PREPL: variants seen among roughly 807,000 people sequenced by gnomAD.
The protein encoded by PREPL is prolyl endopeptidase-like.
In PREPL, 77 loss-of-function variants were observed where a neutral mutation model predicts 70.6. The ratio of observed to expected loss-of-function variants is 1.09; its 90% CI spans 0.91 to 1.32. The LOEUF (loss-of-function observed/expected upper bound fraction) is 1.32, where lower values mean the gene tolerates loss of function less well. Ranked by LOEUF, PREPL falls within the 40% of genes most tolerant of loss-of-function variation. The pLI is 0.00. For synonymous variants in PREPL, 315 were observed against 264.8 expected, an observed-to-expected ratio of 1.19 and a Z score of -1.84; for missense variants, 1,002 against 778.2, an observed-to-expected ratio of 1.29 and a Z score of -3.42.
intron 12 of PREPL, 97 bp downstream of exon 12, chr2:44,322,634 G>C: frequency 6.9e-7 from 1 of 1,447,800 alleles, no homozygotes; most frequent in Non-Finnish European, 9.3e-7. Flanking sequence ...ATCCTGGGCA[G>C]ATGATTTGGC....
chr2:44,325,070 A>G (rs1673357481), intron 10 of PREPL, among the ~76,000 whole-genome samples: 1 of 152,182 alleles, frequency 6.6e-6, no homozygotes, highest in Admixed American at 6.5e-5. Flanking sequence ...TGCCTACCAT[A>G]TGAACTTTTT....
chr2:44,337,595 C>T (rs1414146656), intron 7 of PREPL, among the ~76,000 whole-genome samples: 1 of 152,158 alleles, frequency 6.6e-6, no homozygotes, highest in East Asian at 1.9e-4. Flanking sequence ...CATCAACTGG[C>T]TCAGTAACTC....
At chr2:44,333,891 C>G (rs1159690162) in intron 7 of PREPL, among the ~76,000 whole-genome samples, 1 of 152,180 alleles carries the variant, frequency 6.6e-6, no homozygotes, top group Non-Finnish European at 1.5e-5. Context: ...AGCGAGGGTA[C>G]AAGGTTCCTT....
intron 5 of PREPL, among the ~76,000 whole-genome samples, chr2:44,340,492 G>A (rs1195351645): frequency 1.3e-5 from 2 of 152,032 alleles, no homozygotes; most frequent in Non-Finnish European, 2.9e-5. Context: ...AATAACAACT[G>A]CTTATAGTTT....
intron 13 of PREPL, 158 bp downstream of exon 13, chr2:44,321,669 G>A (rs1672963228): frequency 1.3e-6 from 2 of 1,536,116 alleles, no homozygotes; most frequent in African/African-American, 1.4e-5. Context: ...CATTTCTCTT[G>A]ATTGACACAG....
At chr2:44,336,785 A>T (rs925486661) in intron 7 of PREPL, among the ~76,000 whole-genome samples, 1 of 152,180 alleles carries the variant, frequency 6.6e-6, no homozygotes, top group African/African-American at 2.4e-5. Context: ...CAATAAGGAC[A>T]TCCCTCCAAG....
rs762852430 is a variant in PREPL at position 44,344,568 on chromosome 2, CA to C, written c.93del (p.Phe31LeufsTer34). 5.0e-6 allele frequency: 8 copies of C among 1,604,342 alleles called. No homozygotes were observed. In the African/African-American group the frequency reaches 9.4e-5, roughly 19 times the overall value. On this transcript the variant is annotated frameshift_variant, in exon 3 of 14. Coordinates refer to ENST00000409411, the MANE Select transcript of PREPL (RefSeq NM_001171613.2). LOFTEE classifies it high-confidence loss of function. ...AAGCAACAACCTTCTTGGTAATAAACAAAACCACCATGTTTAACCTGACAAA... is the reference window on the plus strand; with the variant it reads ...AAGCAACAACCTTCTTGGTAATAAACAAACCACCATGTTTAACCTGACAAA... ...IINVEVKHGG[F>X]VYYQEGCCLV...
At chr2:44,359,612 T>C in intron 1 of PREPL, 1 of 1,611,182 alleles carries the variant, frequency 6.2e-7, no homozygotes, top group South Asian at 1.1e-5. Context: ...GTAACAATGA[T>C]CAGCGAAGTT....
At chr2:44,360,169 T>C (rs1306682581) in intron 1 of PREPL, 7 of 153,000 alleles carry the variant, frequency 4.6e-5, no homozygotes, top group African/African-American at 1.7e-4. Context: ...TATGAACGTA[T>C]CTTTGGTATA....
chr2:44,359,672 C>CTA, intron 1 of PREPL: 1 of 1,613,278 alleles, frequency 6.2e-7, no homozygotes. Flanking sequence ...GTGAGGAATA[C>CTA]TATACTTCAA....
chr2:44,323,509 A>G (rs1673190718), intron 10 of PREPL, 98 bp from the exon 11 acceptor site: 3 of 969,258 alleles, frequency 3.1e-6, no homozygotes, highest in Admixed American at 6.8e-5. Context: ...CTAATATGAG[A>G]GAAAATAACT....
chr2:44,343,761 C>G lies in PREPL; in HGVS notation c.333G>C (p.Pro111=), dbSNP rs111330295. The G allele has an allele frequency of 1.2e-6, 2 of 1,613,462 alleles. No individual in the cohort carries two copies. The highest frequency in any genetic ancestry group is 2.7e-5 in the African/African-American group (2 of 74,892). The part of the protein sequence containing the change: ...SDQPVMEASF[P]NVSSFEWVKD... Reference sequence around the variant, plus strand: ...GTGGCTTACCAAAACTGGACACATTCGGGAAAGAAGCTTCCATTACGGGCT... The same window carrying G: ...GTGGCTTACCAAAACTGGACACATTGGGGAAAGAAGCTTCCATTACGGGCT... The change falls in exon 4 of 14, where the codon CCG becomes CCC. Residue 111 remains proline, a synonymous_variant. Transcript: ENST00000409411.
chr2:44,358,892 A>G (rs1417883856), intron 1 of PREPL, among the ~76,000 whole-genome samples: 8 of 152,166 alleles, frequency 5.3e-5, no homozygotes, highest in Admixed American at 1.3e-4. Context: ...TAAAACAATT[A>G]GCGTATCATT....
At chr2:44,337,599 G>A (rs564921569) in intron 7 of PREPL, among the ~76,000 whole-genome samples, 4 of 152,300 alleles carry the variant, frequency 2.6e-5, no homozygotes, top group African/African-American at 9.6e-5. Flanking sequence ...AACTGGCTCA[G>A]TAACTCTTTT....
chr2:44,345,820 T>C (rs2104014372), intron 2 of PREPL, among the ~76,000 whole-genome samples: 1 of 152,312 alleles, frequency 6.6e-6, no homozygotes, highest in East Asian at 1.9e-4. Context: ...TACTTTCATT[T>C]GAACTTCTCC....
intron 1 of PREPL, chr2:44,359,784 T>G (rs1382512303): frequency 1.9e-5 from 21 of 1,103,478 alleles, no homozygotes; most frequent in Non-Finnish European, 4.1e-6. Context: ...TAGGTATGAT[T>G]ACAGAGTAGT....
intron 1 of PREPL, chr2:44,356,385 A>G (rs1333258732): frequency 6.6e-6 from 1 of 152,200 alleles, no homozygotes; most frequent in African/African-American, 2.4e-5. Context: ...CTACTAAAAA[A>G]TACAAAAAAA....
chr2:44,333,564 TA>T (rs1674333868), intron 7 of PREPL, among the ~76,000 whole-genome samples: 1 of 151,910 alleles, frequency 6.6e-6, no homozygotes, highest in African/African-American at 2.4e-5. Flanking sequence ...GTAAAGGGGA[TA>T]CCATTCCACC....
intron 1 of PREPL, chr2:44,347,148 T>G (rs1299733449): frequency 6.6e-6 from 1 of 151,690 alleles, no homozygotes; most frequent in African/African-American, 2.4e-5. Context: ...CTGGGCAACA[T>G]AGCGAGACCC....
Sources: allele counts gnomAD v4.1 joint callset (sites outside exome capture counted in the v4.1 genomes callset), GRCh38; gene constraint gnomAD v4.1.1; transcripts MANE v1.5; gene names NCBI Gene and HGNC (gene_info 2026-07-23, HGNC 2026-07-21).